CAMTA2: variants seen among roughly 807,000 people sequenced by gnomAD.
The protein encoded by CAMTA2 is calmodulin-binding transcription activator 2.
A neutral mutation model predicts 135.7 loss-of-function variants in CAMTA2; 56 were observed. The observed-to-expected ratio is 0.41, with a 90% confidence interval of 0.33 to 0.52. CAMTA2 has a LOEUF of 0.52. Ranked by LOEUF, CAMTA2 falls within the 20% of genes least tolerant of loss-of-function variation. CAMTA2 has a pLI of 0.16. For missense variants in CAMTA2, 1,358 were observed against 1,553.4 expected, an observed-to-expected ratio of 0.87 and a Z score of 2.11; for synonymous variants, 591 against 604.6, an observed-to-expected ratio of 0.98 and a Z score of 0.33.
rs1597750918 is a variant in CAMTA2, at chr17:4,977,254, T to C, written c.1766-62A>G. On this transcript the variant is annotated intron_variant, in intron 10 of 22. Coordinates refer to ENST00000348066, the MANE Select transcript of CAMTA2 (RefSeq NM_015099.4). The stretch of plus-strand genomic sequence containing the variant: ...CCCTGGCTCCTTCTCTGGCTACCTG[T>C]GTCAGCCACAGACAATTATTCCATA... 10 of 1,581,598 alleles carry C rather than the reference T, an allele frequency of 6.3e-6. No individual in the cohort carries two copies. In the East Asian group the frequency reaches 2.3e-4, roughly 36 times the overall value.
rs919387793 is a variant in CAMTA2, at chr17:4,968,357, G to C, written c.*399C>G. On this transcript the variant is annotated 3_prime_UTR_variant, in exon 23 of 23. Transcript: ENST00000348066. ...GACACGGTCAGCCCTGAAACACGAG[G>C]GGCGTGCGCAGCGAAGGCAGTGGTG... The C allele has an allele frequency of 3.1e-6, 1 of 324,236 alleles. No individual in the cohort carries two copies. The highest frequency in any genetic ancestry group is 2.1e-5 in the African/African-American group (1 of 46,916). The allele number at this position is 324,236 out of a possible 1,614,324, so 20.1% of individuals were successfully genotyped here.
rs374134968 is a variant in CAMTA2, at chr17:4,972,487, G to A, written c.2553C>T (p.Ser851=). The A allele has an allele frequency of 6.8e-5, 109 of 1,611,888 alleles. No individual in the cohort carries two copies. Among genetic ancestry groups the A allele is most frequent in the Admixed American group, 4.9e-4 (29 of 59,444 alleles). ...SPSELSDGTF[S]VTSAYSSAPD... ...GGGCACTAGAATAGGCTGACGTGAC[G>A]GAAAAGGTGCCATCCGACAGCTCCG... Residue 851 remains serine, a synonymous_variant, in exon 16 of 23, where the codon TCC becomes TCT. Transcript: ENST00000348066.
rs754677300 is a variant in CAMTA2, at chr17:4,969,812, TG to T, written c.3189+89del. Reference sequence around the variant, plus strand: ...CCCTTTACCCCATCCAAGGCCTGTCTGCACGACTACTCATCCTCCAAAAGCC... The same window carrying T: ...CCCTTTACCCCATCCAAGGCCTGTCTCACGACTACTCATCCTCCAAAAGCC... On this transcript the variant is annotated intron_variant, in intron 18 of 22. Coordinates refer to ENST00000348066, the MANE Select transcript of CAMTA2 (RefSeq NM_015099.4). The surrounding 1 kb of genome is among the most constrained non-coding windows in gnomAD (Gnocchi z 5.6). The T allele has an allele frequency of 4.0e-5, 64 of 1,591,118 alleles. 2 individuals carry two copies. In the Middle Eastern group the frequency reaches 1.8e-3, roughly 45 times the overall value.
Position 4,969,441 on chromosome 17 carries a change from C to T in CAMTA2, c.3282+59G>A. 1 of 1,610,578 alleles carries T rather than the reference C, an allele frequency of 6.2e-7. No homozygotes were observed. Among genetic ancestry groups the T allele is most frequent in the Non-Finnish European group, 8.5e-7 (1 of 1,176,764 alleles). The stretch of plus-strand genomic sequence containing the variant: ...CTGATGCAAGACTCTCTGTAACCCA[C>T]ACACTCAAGGAAAGACTGAATCATC... On this transcript the variant is annotated intron_variant, in intron 20 of 22. Coordinates refer to ENST00000348066, the MANE Select transcript of CAMTA2 (RefSeq NM_015099.4). The surrounding 1 kb of genome is among the most constrained non-coding windows in gnomAD (Gnocchi z 5.6).
In CAMTA2 at chr17:4,982,170, G is replaced by A; in HGVS notation, c.340-10C>T. On this transcript the variant is annotated splice_polypyrimidine_tract_variant and intron_variant, in intron 5 of 22. Coordinates refer to ENST00000348066, the MANE Select transcript of CAMTA2 (RefSeq NM_015099.4). ...AGCAGCCATAGAGACACTGCCAGGA[G>A]ACAGGCTGGGGTGGGGGGAGGGCTA... The A allele has an allele frequency of 1.3e-6, 1 of 792,200 alleles. No homozygotes were observed. Among genetic ancestry groups the A allele is most frequent in the East Asian group, 4.3e-5 (1 of 23,180 alleles). The allele number at this position is 792,200 out of a possible 1,614,324, so 49.1% of individuals were successfully genotyped here.
At position 4,974,451 on chromosome 17, in the gene CAMTA2, C is replaced by T. The variant is rs554982541; in HGVS notation, c.1950G>A (p.Lys650=). 1.9e-6 allele frequency: 3 copies of T among 1,614,056 alleles called. No homozygotes were observed. The highest frequency in any genetic ancestry group is 2.7e-5 in the African/African-American group (2 of 75,028). Residue 650 remains lysine, a synonymous_variant, in exon 12 of 23, where the codon AAG becomes AAA. Coordinates refer to ENST00000348066, the MANE Select transcript of CAMTA2 (RefSeq NM_015099.4). ...SILERLEQME[K]RMAEIAAAGQ... is the part of the protein sequence containing the mutation. ...CAGCTGCTGCGATCTCTGCCATCCG[C>T]TTCTCCATCTGCTCCAGTCGCTCTA...
At chr17:4,986,327 A>C in intron 1 of CAMTA2, 41 bp from the exon 2 acceptor site, 1 of 788,476 alleles carries the variant, frequency 1.3e-6, no homozygotes, top group South Asian at 1.5e-5. Flanking sequence ...AAGCCCCCAC[A>C]TTAATCCAGG....
At chr17:4,982,242 C>A in intron 5 of CAMTA2, 82 bp from the exon 6 acceptor site, 1 of 1,004,164 alleles carries the variant, frequency 1.0e-6, no homozygotes, top group Non-Finnish European at 1.6e-6. Flanking sequence ...GCAGGAATCC[C>A]AATCTTTCCA....
At chr17:4,973,967 C>G (rs2151170458) in intron 12 of CAMTA2, 198 bp from the exon 13 acceptor site, 1 of 583,898 alleles carries the variant, frequency 1.7e-6, no homozygotes, top group South Asian at 2.2e-5. Context: ...AGCAGCCAGA[C>G]CTCACACAAT....
intron 17 of CAMTA2, 57 bp from the exon 18 acceptor site, chr17:4,970,142 C>T: frequency 2.0e-6 from 3 of 1,528,818 alleles, no homozygotes; most frequent in Non-Finnish European, 2.7e-6. Flanking sequence ...TCCTCTGCCA[C>T]CTATGGATGG....
chr17:4,968,799 T>A lies in CAMTA2; in HGVS notation c.3566A>T (p.Asn1189Ile). The stretch of plus-strand genomic sequence containing the variant: ...CTGGGGAAGCCCTTCCAGCTCCTGG[T>A]TCTGCTTCAGTTCCCTCATCCTGCA... ...CRHRMRELKQ[N>I]QELEGLPQPG... Residue 1189 changes from asparagine to isoleucine, a missense_variant, in exon 23 of 23, where the codon AAC (asparagine) becomes ATC (isoleucine). Coordinates refer to ENST00000348066, the MANE Select transcript of CAMTA2 (RefSeq NM_015099.4). 6.2e-7 allele frequency: 1 copy of A among 1,614,148 alleles called. No individual in the cohort carries two copies. The highest frequency in any genetic ancestry group is 8.5e-7 in the Non-Finnish European group (1 of 1,180,020).
chr17:4,968,561 G>A lies in CAMTA2; in HGVS notation c.*195C>T, dbSNP rs1473590328. 1 of 624,340 alleles carries A rather than the reference G, an allele frequency of 1.6e-6. No individual in the cohort carries two copies. Among genetic ancestry groups the A allele is most frequent in the East Asian group, 2.8e-5 (1 of 36,238 alleles). The allele number at this position is 624,340 out of a possible 1,614,324, so 38.7% of individuals were successfully genotyped here. A position where few individuals can be genotyped will look rare whatever the true frequency, so the allele number is the denominator to read the frequency against. On this transcript the variant is annotated 3_prime_UTR_variant, in exon 23 of 23. Coordinates refer to ENST00000348066, the MANE Select transcript of CAMTA2 (RefSeq NM_015099.4). The stretch of plus-strand genomic sequence containing the variant: ...GTTTTCTGGAGCCAGGACCAAAAGA[G>A]ACGGGGCACGACCAGGAGGGACGAG...
rs1268052035 is a variant in CAMTA2, at chr17:4,979,976, C to G, written c.1346G>C (p.Ser449Thr). 6.2e-7 allele frequency: 1 copy of G among 1,613,492 alleles called. No homozygotes were observed. The highest frequency in any genetic ancestry group is 8.5e-7 in the Non-Finnish European group (1 of 1,179,940). ...CCCGTGACCCTTGAGCTCCTCCCCACTGTCATCATCTTGGATGAAGAAGCA... is the reference window on the plus strand; with the variant it reads ...CCCGTGACCCTTGAGCTCCTCCCCAGTGTCATCATCTTGGATGAAGAAGCA... ...GNCFFIQDDD[S>T]GEELKGHGAA... Residue 449 changes from serine to threonine, a missense_variant, in exon 9 of 23, where the codon AGT (serine) becomes ACT (threonine). By Grantham distance (58) the Ser-to-Thr change is moderately conservative (BLOSUM62 1). Transcript: ENST00000348066.
At position 4,969,642 on chromosome 17, in the gene CAMTA2, C is replaced by A. The variant is rs771957453; in HGVS notation, c.3249G>T (p.Arg1083=). Residue 1083 remains arginine, a synonymous_variant, in exon 19 of 23, where the codon CGG becomes CGT. Transcript: ENST00000348066. The surrounding 1 kb of genome is among the most constrained non-coding windows in gnomAD (Gnocchi z 5.6). ...AGAAGGGTCTCACCTGCTTGTACTT[C>A]CGGTAACAGCGCTGGATTACAGCTG... ...VAAAVIQRCY[R]KYKQLTWIAL... 3 of 1,614,130 alleles carry A rather than the reference C, an allele frequency of 1.9e-6. No homozygotes were observed. The highest frequency in any genetic ancestry group is 2.5e-6 in the Non-Finnish European group (3 of 1,180,024).
intron 3 of CAMTA2, among the ~76,000 whole-genome samples, chr17:4,984,084 G>A (rs1973121869): frequency 6.6e-6 from 1 of 152,114 alleles, no homozygotes; most frequent in African/African-American, 2.4e-5. Flanking sequence ...CTGAGTAGCT[G>A]GGACTACAGG....
At chr17:4,981,880 G>A (rs1419103127) in intron 6 of CAMTA2, 49 bp from the exon 7 acceptor site, 1 of 1,531,234 alleles carries the variant, frequency 6.5e-7, no homozygotes, top group African/African-American at 1.4e-5. Context: ...GAGGTCCAGG[G>A]GCTTGGCTTC....
At position 4,969,494 on chromosome 17, in the gene CAMTA2, T is replaced by C; in HGVS notation, c.3282+6A>G. 6.2e-7 allele frequency: 1 copy of C among 1,614,054 alleles called. No individual in the cohort carries two copies. Among genetic ancestry groups the C allele is most frequent in the Middle Eastern group, 1.6e-4 (1 of 6,062 alleles). Reference sequence around the variant, plus strand: ...AGACCTCACACTCAGAGCTCATGCCTAATACCTTAAGTGCAATCCAGGTCA... The same window carrying C: ...AGACCTCACACTCAGAGCTCATGCCCAATACCTTAAGTGCAATCCAGGTCA... On this transcript the variant is annotated splice_donor_region_variant and intron_variant, in intron 20 of 22. Transcript: ENST00000348066. This position sits in a 1 kb window ranked among gnomAD's most constrained non-coding sequence, Gnocchi z 5.6.
chr17:4,978,700 G>T, intron 9 of CAMTA2, 70 bp from the exon 10 acceptor site: 1 of 1,549,900 alleles, frequency 6.5e-7, no homozygotes, highest in Non-Finnish European at 8.8e-7. Flanking sequence ...CATTTATTCA[G>T]ACCCTTACAG....
At position 4,981,711 on chromosome 17, in the gene CAMTA2, G is replaced by A. The variant is rs767517410; in HGVS notation, c.532C>T (p.Arg178Trp). The change falls in exon 7 of 23, where the codon CGG becomes TGG. Residue 178 changes from arginine (R) to tryptophan (W), a missense_variant. Coordinates refer to ENST00000348066, the MANE Select transcript of CAMTA2 (RefSeq NM_015099.4). ...TTCAGCTGTCCCAACAACTCCTCCC[G>A]GGACCACTTCAGCCACTCTCGACGG... is the stretch of plus-strand genomic sequence containing the variant. ...SDRREWLKWS[R>W]EELLGQLKPM... 1.6e-5 allele frequency: 26 copies of A among 1,611,400 alleles called. No individual in the cohort carries two copies. Among genetic ancestry groups the A allele is most frequent in the Admixed American group, 6.7e-5 (4 of 59,430 alleles).
Sources: allele counts gnomAD v4.1 joint callset (sites outside exome capture counted in the v4.1 genomes callset), GRCh38; gene constraint gnomAD v4.1.1; non-coding constraint Gnocchi (gnomAD v3.1); transcripts MANE v1.5; gene names NCBI Gene and HGNC (gene_info 2026-07-23, HGNC 2026-07-21).